Variants in SNURF observed in about 807,000 individuals in gnomAD.
SNURF encodes the protein SNRPN upstream open reading frame, also known as SNURF protein.
A neutral mutation model predicts 11.6 loss-of-function variants in SNURF; 6 were observed. The observed-to-expected ratio is 0.52, with a 90% CI of 0.28 to 1.02. SNURF has a LOEUF of 1.02. SNURF is among the 50% of genes least tolerant of loss of function. The probability of loss-of-function intolerance (pLI) is 0.09; values close to 1 mark genes in which losing one functional copy is unlikely to be tolerated. For synonymous variants in SNURF, 29 were observed against 31.6 expected (o/e 0.92, Z 0.27); for missense variants, 84 against 88.4 (o/e 0.95, Z 0.20).
exon 6 of SNURF, chr15:24,977,029 G>A: frequency 1.3e-6 from 2 of 1,561,816 alleles, no homozygotes; most frequent in Non-Finnish European, 1.7e-6. Context: ...CATCCCAGCA[G>A]GTGAGGAACC....
chr15:24,955,015 T>C (rs774303237), exon 1 of SNURF: 1 of 1,612,368 alleles, frequency 6.2e-7, no homozygotes, highest in East Asian at 2.2e-5. Context: ...CGGAGATGCC[T>C]GACGCATCTG....
downstream of SNURF, chr15:24,978,627 T>C: frequency 3.1e-6 from 2 of 637,008 alleles, 1 homozygote; most frequent in South Asian, 3.8e-5. Context: ...TTTGATGAGA[T>C]CTTAAGTTAC....
chr15:24,965,728 TTAA>T (rs1488506568), intron 2 of SNURF, among the ~76,000 whole-genome samples: 2 of 152,200 alleles, frequency 1.3e-5, no homozygotes, highest in Non-Finnish European at 2.9e-5. Context: ...TCTTTTCAAA[TTAA>T]TATTCTGCAC....
chr15:24,973,503 T>G (rs367780130), downstream of SNURF, among the ~76,000 whole-genome samples: 1 of 152,150 alleles, frequency 6.6e-6, no homozygotes, highest in Non-Finnish European at 1.5e-5. Flanking sequence ...GTTCAAGCGA[T>G]TCTCCTACCT....
At chr15:24,975,813 CA>C (rs2076997683) in intron 4 of SNURF, among the ~76,000 whole-genome samples, 1 of 152,178 alleles carries the variant, frequency 6.6e-6, no homozygotes, top group Non-Finnish European at 1.5e-5. Context: ...TTGGCTTCTG[CA>C]GCAGTCTTAG....
rs1208685261 is a variant in SNURF at position 24,965,745 on chromosome 15, A to G, written c.111-2187A>G. On this transcript the variant is annotated intron_variant, in intron 2 of 2. Transcript: ENST00000577949. ...TTTTCAAATTAATATTCTGCACTCTATGAATTAAATTCTGTGTAGGCTGCC... is the reference window on the plus strand; with the variant it reads ...TTTTCAAATTAATATTCTGCACTCTGTGAATTAAATTCTGTGTAGGCTGCC... 3.3e-5 allele frequency among the ~76,000 whole-genome samples: 5 copies of G among 152,170 alleles called. No homozygotes were observed. The East Asian group carries it at 5.8e-4, about 18-fold the overall frequency.
At chr15:24,967,013 A>G (rs571905137) in intron 2 of SNURF, 1 of 152,202 alleles carries the variant, frequency 6.6e-6, no homozygotes, top group Non-Finnish European at 1.5e-5. Context: ...ATAGCCCTGG[A>G]AGTTCTATAT....
At chr15:24,967,984 T>C (rs757200665) in exon 3 of SNURF, 82 of 1,614,016 alleles carry the variant, frequency 5.1e-5, no homozygotes, top group Non-Finnish European at 6.4e-5. Flanking sequence ...TGTGGTGGAT[T>C]TCCAGGCTGA....
intron 2 of SNURF, among the ~76,000 whole-genome samples, chr15:24,962,751 T>G (rs772234254): frequency 1.3e-5 from 2 of 152,204 alleles, no homozygotes; most frequent in Admixed American, 1.3e-4. Context: ...AAATTTTAAT[T>G]AAAAATAGGT....
At chr15:24,969,456 G>C, downstream of SNURF, among the ~76,000 whole-genome samples, 1 of 152,192 alleles carries the variant, frequency 6.6e-6, no homozygotes, top group South Asian at 2.1e-4. Context: ...AAAGGAGACA[G>C]AAATTTTCTG....
chr15:24,956,143 G>A (rs1364910171), intron 1 of SNURF, among the ~76,000 whole-genome samples: 1 of 152,166 alleles, frequency 6.6e-6, no homozygotes, highest in Non-Finnish European at 1.5e-5. Context: ...AGACTGGAAT[G>A]ATGTGCAGAA....
intron 2 of SNURF, 60 bp from the exon 3 acceptor site, chr15:24,967,872 T>G: frequency 1.4e-6 from 2 of 1,424,452 alleles, no homozygotes; most frequent in Non-Finnish European, 2.0e-6. Flanking sequence ...TTCTTTCATA[T>G]GGTTTCCTAT....
chr15:24,973,542 C>G (rs2076705623), downstream of SNURF, among the ~76,000 whole-genome samples: 1 of 152,042 alleles, frequency 6.6e-6, no homozygotes, highest in African/African-American at 2.4e-5. Context: ...GGATTACAGG[C>G]ACCCACCACC....
At chr15:24,964,234 G>GT (rs1464305135) in intron 2 of SNURF, among the ~76,000 whole-genome samples, 29 of 152,192 alleles carry the variant, frequency 1.9e-4, no homozygotes, top group Admixed American at 1.8e-3. Context: ...TATTTTGAAA[G>GT]TATTTTGTGT....
intron 3 of SNURF, chr15:24,974,448 G>C (rs914976868): frequency 1.2e-6 from 2 of 1,613,604 alleles, no homozygotes; most frequent in Admixed American, 3.3e-5. Context: ...TGGTGGAACA[G>C]CAATCATGGT....
intron 1 of SNURF, among the ~76,000 whole-genome samples, chr15:24,955,468 T>G (rs1322867598): frequency 1.3e-5 from 2 of 151,186 alleles, no homozygotes; most frequent in East Asian, 3.9e-4. Context: ...ATAGGGATTT[T>G]AGGCGGAGGT....
downstream of SNURF, among the ~76,000 whole-genome samples, chr15:24,972,138 C>G (rs2076489832): frequency 1.3e-5 from 2 of 151,828 alleles, no homozygotes; most frequent in Admixed American, 1.3e-4. Context: ...CGCCTGTAAT[C>G]CTAGCTACTC....
chr15:24,977,619 CAA>C (rs1236043555), intron 6 of SNURF, among the ~76,000 whole-genome samples: 3 of 151,934 alleles, frequency 2.0e-5, no homozygotes, highest in Non-Finnish European at 4.4e-5. Context: ...GCCTGGGTGA[CAA>C]GAGTGAAACT....
At chr15:24,956,704 G>A (rs982627233) in intron 1 of SNURF, among the ~76,000 whole-genome samples, 2 of 152,224 alleles carry the variant, frequency 1.3e-5, no homozygotes, top group African/African-American at 4.8e-5. Context: ...CAGTAGAGGG[G>A]GGAGGAGGGA....
Sources: allele counts gnomAD v4.1 joint callset (sites outside exome capture counted in the v4.1 genomes callset), GRCh38; gene constraint gnomAD v4.1.1; transcripts MANE v1.5; gene names NCBI Gene and HGNC (gene_info 2026-07-23, HGNC 2026-07-21).